WDFY3: variants seen among roughly 807,000 people sequenced by gnomAD.
WDFY3 encodes the protein WD repeat and FYVE domain containing 3.
Under a neutral mutation model 409.6 loss-of-function variants are expected in WDFY3, and 66 were observed. The ratio of observed to expected loss-of-function variants is 0.16; its 90% CI spans 0.13 to 0.20. WDFY3 has a LOEUF of 0.20. Ranked by LOEUF, WDFY3 falls within the 10% of genes least tolerant of loss-of-function variation. WDFY3 has a pLI of 1.00. For synonymous variants in WDFY3, 1,521 were observed against 1,537.1 expected (o/e 0.99, Z 0.25); for missense variants, 3,031 against 4,298.1 (o/e 0.71, Z 8.24).
intron 2 of WDFY3, among the ~76,000 whole-genome samples, chr4:84,920,498 A>G (rs1769131842): frequency 6.6e-6 from 1 of 152,204 alleles, no homozygotes; most frequent in South Asian, 2.1e-4. Flanking sequence ...ACAAAGTGAG[A>G]AAGAGTAATA....
intron 2 of WDFY3, among the ~76,000 whole-genome samples, chr4:84,899,886 A>C (rs1766123313): frequency 6.6e-6 from 1 of 152,072 alleles, no homozygotes; most frequent in African/African-American, 2.4e-5. Flanking sequence ...AAAAATTAAA[A>C]ATTAAAAACA....
chr4:84,716,672 G>A (rs1265009649), intron 49 of WDFY3, among the ~76,000 whole-genome samples: 3 of 151,406 alleles, frequency 2.0e-5, no homozygotes, highest in African/African-American at 4.9e-5. Flanking sequence ...GGTGGCGGGC[G>A]CCTATAGTCC....
At chr4:84,802,537 G>T (rs1361486789) in intron 16 of WDFY3, among the ~76,000 whole-genome samples, 2 of 151,986 alleles carry the variant, frequency 1.3e-5, no homozygotes, top group Non-Finnish European at 2.9e-5. Context: ...CAAAGTGCTG[G>T]GATTACAGGC....
chr4:84,818,096 T>C (rs1287922184), intron 12 of WDFY3, among the ~76,000 whole-genome samples: 1 of 152,150 alleles, frequency 6.6e-6, no homozygotes, highest in Non-Finnish European at 1.5e-5. Flanking sequence ...CAGAAGTATG[T>C]GTCATTGTTA....
At chr4:84,746,337 T>C (rs1739445912) in intron 36 of WDFY3, among the ~76,000 whole-genome samples, 1 of 151,908 alleles carries the variant, frequency 6.6e-6, no homozygotes, top group Non-Finnish European at 1.5e-5. Context: ...AGCTACTCTT[T>C]CAGGTTCATA....
At chr4:84,922,229 T>A (rs1769383972) in intron 2 of WDFY3, among the ~76,000 whole-genome samples, 1 of 152,124 alleles carries the variant, frequency 6.6e-6, no homozygotes, top group African/African-American at 2.4e-5. Flanking sequence ...TTTATTGATA[T>A]TTTACACTGA....
At chr4:84,825,278 T>C (rs1754688652) in intron 10 of WDFY3, among the ~76,000 whole-genome samples, 1 of 151,802 alleles carries the variant, frequency 6.6e-6, no homozygotes, top group Non-Finnish European at 1.5e-5. Context: ...GCAATATTTT[T>C]ATATTAATTC....
intron 1 of WDFY3, among the ~76,000 whole-genome samples, chr4:84,959,104 G>A (rs140587087): frequency 6.6e-6 from 1 of 152,176 alleles, no homozygotes; most frequent in African/African-American, 2.4e-5. Flanking sequence ...CCCTGATATA[G>A]CGCTATCACC....
At chr4:84,833,711 C>T (rs114986860) in intron 7 of WDFY3, among the ~76,000 whole-genome samples, 1 of 150,958 alleles carries the variant, frequency 6.6e-6, no homozygotes, top group Non-Finnish European at 1.5e-5. Flanking sequence ...GAGAAGAGAA[C>T]AGAACAGAAG....
intron 44 of WDFY3, among the ~76,000 whole-genome samples, chr4:84,727,646 T>TAG (rs1735882242): frequency 6.6e-6 from 1 of 152,204 alleles, no homozygotes; most frequent in Non-Finnish European, 1.5e-5. Context: ...AGCACACAGG[T>TAG]AGCTACAGAC....
chr4:84,679,841 TACAC>T lies in WDFY3; in HGVS notation c.9824-603_9824-600del, dbSNP rs954549793. Among the ~76,000 whole-genome samples, 1,208 of 141,286 alleles carry T rather than the reference TACAC, an allele frequency of 8.6e-3. 19 individuals are homozygous for T. The highest frequency in any genetic ancestry group is 0.029 in the African/African-American group (1,115 of 37,874). The allele number at this position is 141,286 out of a possible 152,430, so 92.7% of individuals were successfully genotyped here. A position where few individuals can be genotyped will look rare whatever the true frequency, so the allele number is the denominator to read the frequency against. ...TTCTTCATATATATATATATATATA[TACAC>T]ACACACACACACACACACACGTACG... On this transcript the variant is annotated intron_variant, in intron 64 of 67. Transcript: ENST00000295888.
In WDFY3 at chr4:84,682,477, T is replaced by A. The variant is rs1489663460; in HGVS notation, c.9727-7A>T. The A allele has an allele frequency of 1.4e-5, 22 of 1,610,236 alleles. No homozygotes were observed. Among genetic ancestry groups the A allele is most frequent in the Non-Finnish European group, 1.8e-5 (21 of 1,178,052 alleles). On this transcript the variant is annotated splice_region_variant and splice_polypyrimidine_tract_variant and intron_variant, in intron 63 of 67. Transcript: ENST00000295888. Reference sequence around the variant, plus strand: ...AAAATTCCATTCTCCAAAACTAAATTTAAATAAGTACAAAAATTAAAAAGT... The same window carrying A: ...AAAATTCCATTCTCCAAAACTAAATATAAATAAGTACAAAAATTAAAAAGT...
chr4:84,941,440 G>A (rs1772111406), intron 1 of WDFY3, among the ~76,000 whole-genome samples: 1 of 151,934 alleles, frequency 6.6e-6, no homozygotes, highest in Non-Finnish European at 1.5e-5. Flanking sequence ...CTAACAAACT[G>A]TGCAAAATCT....
intron 2 of WDFY3, among the ~76,000 whole-genome samples, chr4:84,931,198 C>A (rs1770722654): frequency 6.6e-6 from 1 of 152,126 alleles, no homozygotes; most frequent in Non-Finnish European, 1.5e-5. Context: ...GGAAGAAGTA[C>A]TACTATATCT....
At chr4:84,677,434 G>A (rs1387807909) in intron 66 of WDFY3, 38 bp from the exon 67 acceptor site, 2 of 1,523,292 alleles carry the variant, frequency 1.3e-6, no homozygotes, top group East Asian at 4.6e-5. Flanking sequence ...CTGCACGGAA[G>A]GCTTCTGTGA....
chr4:84,690,824 C>T (rs1375995413), intron 60 of WDFY3, among the ~76,000 whole-genome samples, 160 bp from the exon 61 acceptor site: 2 of 152,228 alleles, frequency 1.3e-5, no homozygotes, highest in East Asian at 3.9e-4. Flanking sequence ...CACTGAATCT[C>T]TACCCTGAAC....
intron 40 of WDFY3, among the ~76,000 whole-genome samples, chr4:84,738,186 C>CA (rs1313272598): frequency 6.6e-6 from 1 of 152,042 alleles, no homozygotes; most frequent in Non-Finnish European, 1.5e-5. Flanking sequence ...TCTGGGGAGA[C>CA]AAACACCACC....
chr4:84,710,370 A>C (rs566621062), intron 51 of WDFY3, among the ~76,000 whole-genome samples: 30 of 152,256 alleles, frequency 2.0e-4, no homozygotes, highest in Non-Finnish European at 3.7e-4. Context: ...TTTAAACATT[A>C]CTTTTTTGGG....
At chr4:84,871,629 C>CT (rs752869315) in intron 3 of WDFY3, among the ~76,000 whole-genome samples, 8 of 148,344 alleles carry the variant, frequency 5.4e-5, no homozygotes, top group African/African-American at 7.4e-5. Context: ...CATTTTTATC[C>CT]TTTTTTTTTT....
Sources: allele counts gnomAD v4.1 joint callset (sites outside exome capture counted in the v4.1 genomes callset), GRCh38; gene constraint gnomAD v4.1.1; transcripts MANE v1.5; gene names NCBI Gene and HGNC (gene_info 2026-07-23, HGNC 2026-07-21).